CSMD1: variants seen among roughly 807,000 people sequenced by gnomAD.
CSMD1 encodes the protein CUB and Sushi multiple domains 1.
CSMD1 carries 213 observed loss-of-function variants against 417.5 expected under a neutral mutation model. That is an observed-to-expected ratio of 0.51 (90% confidence interval 0.46 to 0.57). The LOEUF is 0.57. Among genes scored for constraint, CSMD1 ranks in the 20% least tolerant of loss-of-function variants. The probability of loss-of-function intolerance (pLI) is 0.00; values close to 1 mark genes in which losing one functional copy is unlikely to be tolerated. For missense variants in CSMD1, 6,923 were observed against 4,529.7 expected (o/e 1.53, Z -15.17); for synonymous variants, 2,862 against 1,736.8 (o/e 1.65, Z -16.11).
chr8:4,788,806 T>A (rs546991118), intron 1 of CSMD1, among the ~76,000 whole-genome samples: 20 of 152,126 alleles, frequency 1.3e-4, no homozygotes, highest in African/African-American at 4.8e-4. Flanking sequence ...ACATGACATC[T>A]GCTTTTGAAA....
intron 3 of CSMD1, among the ~76,000 whole-genome samples, chr8:4,334,449 G>A (rs577756777): frequency 8.2e-4 from 125 of 152,206 alleles, no homozygotes; most frequent in African/African-American, 2.8e-3. Flanking sequence ...TCTCAAGACT[G>A]CAACATCAAA....
intron 31 of CSMD1, among the ~76,000 whole-genome samples, chr8:3,205,230 T>C (rs1028775442): frequency 6.6e-6 from 1 of 152,184 alleles, no homozygotes; most frequent in African/African-American, 2.4e-5. Flanking sequence ...AAGAACTATG[T>C]TTGGGAAACC....
intron 5 of CSMD1, among the ~76,000 whole-genome samples, chr8:3,817,931 C>A (rs1014091075): frequency 6.6e-6 from 1 of 152,150 alleles, no homozygotes; most frequent in Admixed American, 6.5e-5. Context: ...AGACAAAAAC[C>A]TGGTATTAGC....
At position 3,087,249 on chromosome 8, in the gene CSMD1, C is replaced by T; in HGVS notation, c.7322G>A (p.Gly2441Glu). The T allele has an allele frequency of 1.9e-6, 3 of 1,613,948 alleles. No individual in the cohort carries two copies. The highest frequency in any genetic ancestry group is 2.5e-6 in the Non-Finnish European group (3 of 1,179,874). Residue 2441 changes from glycine (G) to glutamate (E), a missense_variant, in exon 49 of 70, where the codon GGG (glycine) becomes GAG (glutamate). Gly to Glu is a moderately conservative substitution (Grantham distance 98). Coordinates refer to ENST00000635120, the MANE Select transcript of CSMD1 (RefSeq NM_033225.6). The part of the protein sequence containing the change: ...YCSLTHPLKN[G>E]GILNRTAGAV... Reference sequence around the variant, plus strand: ...TCCTGCAGTCCTGTTTAGAATACCCCCATTCTTCAGGGGGTGGGTCAAACT... The same window carrying T: ...TCCTGCAGTCCTGTTTAGAATACCCTCATTCTTCAGGGGGTGGGTCAAACT...
intron 2 of CSMD1, among the ~76,000 whole-genome samples, chr8:4,459,754 C>G (rs925024761): frequency 5.9e-5 from 9 of 152,132 alleles, no homozygotes; most frequent in Non-Finnish European, 1.3e-4. Flanking sequence ...AGTGATTCAG[C>G]CTCTAGCCTC....
At chr8:3,419,092 C>T (rs553067044) in intron 12 of CSMD1, among the ~76,000 whole-genome samples, 13 of 152,318 alleles carry the variant, frequency 8.5e-5, no homozygotes, top group African/African-American at 3.1e-4. Context: ...GAAACGCCAG[C>T]TAGGAACCTC....
intron 1 of CSMD1, among the ~76,000 whole-genome samples, chr8:4,977,948 T>A (rs986630862): frequency 1.3e-5 from 2 of 152,226 alleles, no homozygotes; most frequent in Non-Finnish European, 2.9e-5. Flanking sequence ...AGCTATTTGT[T>A]GCTGAGGGTC....
chr8:3,974,991 T>G (rs1813336034), intron 5 of CSMD1, among the ~76,000 whole-genome samples: 1 of 152,210 alleles, frequency 6.6e-6, no homozygotes, highest in African/African-American at 2.4e-5. Flanking sequence ...TGTGGAATGC[T>G]TGAGTTCTTT....
At chr8:3,710,381 G>A (rs1229091125) in intron 6 of CSMD1, among the ~76,000 whole-genome samples, 1 of 152,164 alleles carries the variant, frequency 6.6e-6, no homozygotes, top group Non-Finnish European at 1.5e-5. Context: ...TACAATGCCA[G>A]GATGCCAAGA....
chr8:4,436,947 T>C (rs932821753), intron 2 of CSMD1, among the ~76,000 whole-genome samples: 2 of 152,190 alleles, frequency 1.3e-5, no homozygotes, highest in African/African-American at 4.8e-5. Flanking sequence ...CTTCCAAATC[T>C]TACCTAGAGT....
intron 5 of CSMD1, among the ~76,000 whole-genome samples, chr8:3,821,612 T>C (rs776429793): frequency 5.9e-5 from 9 of 152,078 alleles, no homozygotes; most frequent in Non-Finnish European, 1.0e-4. Context: ...TGAAACCCTG[T>C]CTCTACTAAT....
At chr8:4,826,873 G>C (rs1400287596) in intron 1 of CSMD1, among the ~76,000 whole-genome samples, 2 of 152,018 alleles carry the variant, frequency 1.3e-5, no homozygotes, top group Non-Finnish European at 2.9e-5. Context: ...AGAAAAACTA[G>C]ATTTAGAGTG....
At chr8:3,556,552 C>CACACACACCCT (rs1554468421) in intron 10 of CSMD1, among the ~76,000 whole-genome samples, 60 of 139,810 alleles carry the variant, frequency 4.3e-4, no homozygotes, top group African/African-American at 1.6e-3. Flanking sequence ...ACACACACAC[C>CACACACACCCT]CTCTCTCTCT....
intron 2 of CSMD1, among the ~76,000 whole-genome samples, chr8:4,438,179 A>T (rs1209988129): frequency 6.6e-6 from 1 of 151,972 alleles, no homozygotes; most frequent in Non-Finnish European, 1.5e-5. Context: ...TTCTTAAAAA[A>T]CTCATAAACA....
At chr8:4,356,453 T>C (rs1416874374) in intron 3 of CSMD1, among the ~76,000 whole-genome samples, 2 of 152,208 alleles carry the variant, frequency 1.3e-5, no homozygotes, top group Non-Finnish European at 2.9e-5. Flanking sequence ...AGTATCCTTT[T>C]CGTGTAATGA....
intron 7 of CSMD1, among the ~76,000 whole-genome samples, chr8:3,621,398 G>T (rs1041148740): frequency 1.3e-5 from 2 of 152,110 alleles, no homozygotes; most frequent in Admixed American, 6.6e-5. Context: ...AAGTCAGAGA[G>T]CCAGAAAGTA....
At chr8:3,918,794 T>C (rs1809013559) in intron 5 of CSMD1, among the ~76,000 whole-genome samples, 1 of 152,124 alleles carries the variant, frequency 6.6e-6, no homozygotes, top group Admixed American at 6.6e-5. Flanking sequence ...CCAAACATTT[T>C]ATGTTCTCAT....
intron 3 of CSMD1, among the ~76,000 whole-genome samples, chr8:4,152,488 G>A (rs529901338): frequency 1.3e-4 from 19 of 145,200 alleles, no homozygotes; most frequent in African/African-American, 4.6e-4. Flanking sequence ...AAGGAGTATG[G>A]AAAACACTGC....
chr8:2,999,583 C>A (rs955518185), intron 53 of CSMD1, among the ~76,000 whole-genome samples: 7 of 152,152 alleles, frequency 4.6e-5, no homozygotes, highest in Non-Finnish European at 1.0e-4. Context: ...TGCAAAGCTG[C>A]CCAGCAGACC....
Sources: gnomAD v4.1 joint callset for allele counts (sites outside exome capture counted in the v4.1 genomes callset) on GRCh38, gnomAD v4.1.1 for gene constraint, MANE v1.5 for transcripts, NCBI Gene and HGNC (gene_info 2026-07-23, HGNC 2026-07-21) for gene names.